Variants in PACRG observed in about 807,000 individuals in gnomAD.
PACRG encodes parkin coregulated.
In PACRG, 29 loss-of-function variants were observed where a neutral mutation model predicts 29.7. That is an observed-to-expected ratio of 0.98 (90% CI 0.73 to 1.33). The LOEUF (loss-of-function observed/expected upper bound fraction) is 1.33. Among genes scored for constraint, PACRG ranks in the 40% most tolerant of loss-of-function variants. PACRG has a pLI of 0.00. For missense variants in PACRG, 279 were observed against 316.2 expected, an observed-to-expected ratio of 0.88 and a Z score of 0.89; for synonymous variants, 116 against 118.7, an observed-to-expected ratio of 0.98 and a Z score of 0.15.
At chr6:163,029,970 G>A (rs1807504463) in intron 2 of PACRG, among the ~76,000 whole-genome samples, 1 of 151,750 alleles carries the variant, frequency 6.6e-6, no homozygotes, top group Non-Finnish European at 1.5e-5. Flanking sequence ...GAGGGTGAAA[G>A]GAAAAAAGGT....
At position 162,785,885 on chromosome 6, in the gene PACRG, A is replaced by G. The variant is rs1014241217; in HGVS notation, c.157-28262A>G. Among the ~76,000 whole-genome samples, 5 of 152,184 alleles carry G rather than the reference A, an allele frequency of 3.3e-5. No homozygotes were observed. In the East Asian group the frequency reaches 9.7e-4, roughly 29 times the overall value. On this transcript the variant is annotated intron_variant, in intron 1 of 4. Coordinates refer to ENST00000366888, the MANE Select transcript of PACRG (RefSeq NM_001080379.2). The stretch of plus-strand genomic sequence containing the variant: ...TACCATGTAGGATAACAAACAAGTA[A>G]GAGACTGCTTGAGGGCAGGGCCAGG...
intron 4 of PACRG, chr6:163,189,573 C>T (rs1187836220): frequency 6.6e-6 from 1 of 152,214 alleles, no homozygotes; most frequent in Non-Finnish European, 1.5e-5. Context: ...CAATTTTTAG[C>T]TTACAGATTG....
intron 1 of PACRG, among the ~76,000 whole-genome samples, chr6:162,748,527 C>T (rs1314072512): frequency 2.6e-5 from 4 of 151,978 alleles, no homozygotes; most frequent in Non-Finnish European, 2.9e-5. Flanking sequence ...AACCAAAAAA[C>T]TTGTATTCAG....
intron 4 of PACRG, among the ~76,000 whole-genome samples, chr6:163,249,546 C>T (rs1239004468): frequency 2.0e-5 from 3 of 152,128 alleles, no homozygotes; most frequent in Non-Finnish European, 4.4e-5. Flanking sequence ...TCCTGATGGG[C>T]CGGAAGTGGA....
At chr6:162,850,275 A>G (rs1790748192) in intron 2 of PACRG, among the ~76,000 whole-genome samples, 1 of 152,240 alleles carries the variant, frequency 6.6e-6, no homozygotes, top group Non-Finnish European at 1.5e-5. Flanking sequence ...AATGTGATAG[A>G]GTAGGCATGC....
chr6:163,212,120 A>G (rs1310059461), intron 4 of PACRG, among the ~76,000 whole-genome samples: 2 of 152,210 alleles, frequency 1.3e-5, no homozygotes, highest in African/African-American at 4.8e-5. Flanking sequence ...GATCAAATGA[A>G]TAAATATAAA....
At chr6:163,092,380 A>G (rs1814188953) in intron 4 of PACRG, among the ~76,000 whole-genome samples, 1 of 152,010 alleles carries the variant, frequency 6.6e-6, no homozygotes, top group Non-Finnish European at 1.5e-5. Context: ...GGAACAGTCC[A>G]TGCTCACAGC....
At chr6:163,274,158 C>A (rs900967996) in intron 4 of PACRG, among the ~76,000 whole-genome samples, 5 of 152,138 alleles carry the variant, frequency 3.3e-5, no homozygotes, top group Admixed American at 3.3e-4. Context: ...TTAGGTAAAT[C>A]TCCTAATGCT....
chr6:163,161,693 T>C (rs2128342227), intron 4 of PACRG, among the ~76,000 whole-genome samples: 1 of 152,310 alleles, frequency 6.6e-6, no homozygotes, highest in African/African-American at 2.4e-5. Flanking sequence ...CCTCCAGAAG[T>C]TGAAAAGGTT....
At chr6:162,993,300 G>A (rs1198022303) in intron 2 of PACRG, among the ~76,000 whole-genome samples, 2 of 137,888 alleles carry the variant, frequency 1.5e-5, no homozygotes, top group Non-Finnish European at 1.5e-5. Flanking sequence ...TATCCTTGTT[G>A]ACTTTCTGTC....
At chr6:162,737,615 C>T (rs1434150117) in intron 1 of PACRG, among the ~76,000 whole-genome samples, 1 of 152,038 alleles carries the variant, frequency 6.6e-6, no homozygotes, top group East Asian at 1.9e-4. Flanking sequence ...GGTAATTAAA[C>T]CACAACTTGG....
intron 1 of PACRG, among the ~76,000 whole-genome samples, chr6:162,746,213 A>T (rs1296836431): frequency 2.0e-5 from 3 of 152,196 alleles, no homozygotes; most frequent in Non-Finnish European, 4.4e-5. Flanking sequence ...AGTCCCAGAG[A>T]TAAGCAGTAA....
chr6:163,121,441 G>T (rs535976597), intron 4 of PACRG, among the ~76,000 whole-genome samples: 1 of 152,084 alleles, frequency 6.6e-6, no homozygotes, highest in African/African-American at 2.4e-5. Flanking sequence ...GTGATGCACA[G>T]AGTCATGGGC....
chr6:162,958,839 CATAT>C (rs1800284482), intron 2 of PACRG, among the ~76,000 whole-genome samples: 1 of 93,190 alleles, frequency 1.1e-5, no homozygotes, highest in Non-Finnish European at 2.2e-5. Context: ...ATATATAGAG[CATAT>C]ATAGAGCATA....
chr6:162,832,281 T>A (rs531423281), intron 2 of PACRG, among the ~76,000 whole-genome samples: 2 of 152,232 alleles, frequency 1.3e-5, no homozygotes, highest in Non-Finnish European at 2.9e-5. Flanking sequence ...GTTGAGCTTT[T>A]TTCATGTTTC....
At chr6:163,088,805 C>A (rs923143753) in intron 3 of PACRG, among the ~76,000 whole-genome samples, 2 of 152,102 alleles carry the variant, frequency 1.3e-5, no homozygotes, top group East Asian at 3.9e-4. Flanking sequence ...GATTTGAACA[C>A]CATGCCTCAC....
chr6:163,116,058 G>A (rs375656865), intron 4 of PACRG, among the ~76,000 whole-genome samples: 1 of 152,290 alleles, frequency 6.6e-6, no homozygotes, highest in South Asian at 2.1e-4. Context: ...CCTGAGGGGT[G>A]TATTAGTGCA....
chr6:163,237,236 T>A (rs1369239221), intron 4 of PACRG, among the ~76,000 whole-genome samples: 1 of 152,182 alleles, frequency 6.6e-6, no homozygotes, highest in Non-Finnish European at 1.5e-5. Context: ...GTGGGGTTTT[T>A]TTGGCAGGGG....
chr6:163,286,758 G>A (rs761432360), intron 4 of PACRG, among the ~76,000 whole-genome samples: 2 of 152,134 alleles, frequency 1.3e-5, no homozygotes, highest in Non-Finnish European at 2.9e-5. Context: ...AAAACTTTCC[G>A]CAACAGGTCA....
Sources: allele counts gnomAD v4.1 joint callset (sites outside exome capture counted in the v4.1 genomes callset), GRCh38; gene constraint gnomAD v4.1.1; transcripts MANE v1.5; gene names NCBI Gene and HGNC (gene_info 2026-07-23, HGNC 2026-07-21).